Variants in RBFOX1 observed in about 807,000 individuals in gnomAD.
RBFOX1 encodes the protein RNA binding fox-1 homolog 1.
In RBFOX1, 8 loss-of-function variants were observed where a neutral mutation model predicts 57.7. The ratio of observed to expected loss-of-function variants is 0.14; its 90% CI spans 0.08 to 0.25. RBFOX1 has a LOEUF of 0.25. RBFOX1 is among the 10% of genes least tolerant of loss of function. The pLI, the probability that RBFOX1 is intolerant of heterozygous loss-of-function variation, is 1.00. For missense variants in RBFOX1, 611 were observed against 548.5 expected (o/e 1.11, Z -1.14); for synonymous variants, 326 against 222.4 (o/e 1.47, Z -4.15).
intron 4 of RBFOX1, among the ~76,000 whole-genome samples, chr16:7,419,927 T>TCC (rs778946345): frequency 1.0e-5 from 1 of 96,154 alleles, no homozygotes; most frequent in African/African-American, 4.7e-5. Flanking sequence ...CTTTCTTCCT[T>TCC]TTTTTTTTTT....
Position 6,991,256 on chromosome 16 carries a change from T to A in RBFOX1, c.-15-60801T>A, listed in dbSNP as rs181833229. Reference sequence around the variant, plus strand: ...CAGAGGTTGCAGTGAGTTGAGACCATGCCACGTCACTCCAGCCTGGGCAGT... The same window carrying A: ...CAGAGGTTGCAGTGAGTTGAGACCAAGCCACGTCACTCCAGCCTGGGCAGT... On this transcript the variant is annotated intron_variant, in intron 3 of 15. Coordinates refer to ENST00000550418, the MANE Select transcript of RBFOX1 (RefSeq NM_018723.4). Among the ~76,000 whole-genome samples, 18 of 151,142 alleles carry A rather than the reference T, an allele frequency of 1.2e-4. No homozygotes were observed. In the East Asian group the frequency reaches 3.5e-3, roughly 30 times the overall value.
chr16:7,640,508 G>A (rs578106403), intron 11 of RBFOX1, among the ~76,000 whole-genome samples: 1 of 152,310 alleles, frequency 6.6e-6, no homozygotes, highest in African/African-American at 2.4e-5. Context: ...TGACAGATAA[G>A]GAGTCACTAG....
chr16:7,266,132 A>G (rs952436417), intron 4 of RBFOX1, among the ~76,000 whole-genome samples: 4 of 150,820 alleles, frequency 2.7e-5, no homozygotes, highest in African/African-American at 2.4e-5. Context: ...TCGCCAATAC[A>G]CCTGGCTAAT....
chr16:6,595,226 C>T (rs186420674), intron 2 of RBFOX1, among the ~76,000 whole-genome samples: 33 of 152,312 alleles, frequency 2.2e-4, no homozygotes, highest in Admixed American at 1.2e-3. Context: ...CCTTACCCCA[C>T]CCTGTAGCCC....
chr16:7,554,804 A>G (rs1340036732), intron 5 of RBFOX1, among the ~76,000 whole-genome samples: 1 of 152,170 alleles, frequency 6.6e-6, no homozygotes, highest in African/African-American at 2.4e-5. Flanking sequence ...TCTTGGCCAC[A>G]TTATCACCAT....
At chr16:6,901,967 T>G (rs74008433) in intron 3 of RBFOX1, among the ~76,000 whole-genome samples, 1 of 152,148 alleles carries the variant, frequency 6.6e-6, no homozygotes. Context: ...TTCAGAAATA[T>G]TGCGTTACAG....
chr16:7,160,832 CTCCT>C (rs1173769852), intron 4 of RBFOX1, among the ~76,000 whole-genome samples: 11 of 140,460 alleles, frequency 7.8e-5, no homozygotes, highest in African/African-American at 2.7e-4. Flanking sequence ...CTCCTCCCTC[CTCCT>C]TCCTCCTCCT....
chr16:6,634,753 GATATAC>G (rs1359717729), intron 2 of RBFOX1, among the ~76,000 whole-genome samples: 9 of 33,682 alleles, frequency 2.7e-4, no homozygotes, highest in Non-Finnish European at 6.6e-4. Flanking sequence ...AATATACAAA[GATATAC>G]ATATATTTGT....
intron 2 of RBFOX1, among the ~76,000 whole-genome samples, chr16:6,606,269 T>A (rs1471444684): frequency 6.6e-6 from 1 of 152,038 alleles, no homozygotes; most frequent in Non-Finnish European, 1.5e-5. Context: ...TCCAAGCCAA[T>A]ATATTAGAAA....
At chr16:6,465,256 G>C (rs1460689577) in intron 2 of RBFOX1, among the ~76,000 whole-genome samples, 7 of 152,072 alleles carry the variant, frequency 4.6e-5, no homozygotes, top group Non-Finnish European at 1.0e-4. Flanking sequence ...GGTGGAGTGA[G>C]GTTTTGTTGT....
intron 1 of RBFOX1, among the ~76,000 whole-genome samples, chr16:6,159,547 T>C (rs922360285): frequency 6.6e-6 from 1 of 152,212 alleles, no homozygotes; most frequent in African/African-American, 2.4e-5. Flanking sequence ...GCACAGGGTC[T>C]GCCCTAAATG....
chr16:6,965,195 G>T (rs561334557), intron 3 of RBFOX1, among the ~76,000 whole-genome samples: 5 of 152,092 alleles, frequency 3.3e-5, no homozygotes, highest in Non-Finnish European at 5.9e-5. Context: ...GGGAGAGGTG[G>T]GTGGTGTAAA....
At chr16:7,664,020 A>C (rs2068510618) in intron 12 of RBFOX1, among the ~76,000 whole-genome samples, 2 of 152,180 alleles carry the variant, frequency 1.3e-5, no homozygotes, top group African/African-American at 4.8e-5. Flanking sequence ...GGTGGCAATC[A>C]GAGAGCTGCT....
chr16:5,291,159 G>A (rs1206752353), intron 1 of RBFOX1, among the ~76,000 whole-genome samples: 1 of 151,978 alleles, frequency 6.6e-6, no homozygotes. Flanking sequence ...GGCATCCCAT[G>A]TAACTACTCT....
chr16:5,855,879 C>G (rs28793028), intron 3 of RBFOX1, among the ~76,000 whole-genome samples: 22,630 of 148,838 alleles, frequency 0.15, 2,316 homozygotes, highest in African/African-American at 0.29. Context: ...ATTTATCTGT[C>G]TTAAGTTTCC....
In RBFOX1 at chr16:6,603,749, A is replaced by G. The variant is rs74398003; in HGVS notation, c.-63-50854A>G. On this transcript the variant is annotated intron_variant, in intron 2 of 15. Transcript: ENST00000550418. ...TGGACTGTGATTGCTGGACATCAGG[A>G]TGGCCTTAATATTAGGGTTAACATC... is the stretch of plus-strand genomic sequence containing the variant. 0.011 allele frequency among the ~76,000 whole-genome samples: 1,675 copies of G among 152,256 alleles called. 136 individuals are homozygous for G. The East Asian group carries it at 0.2, about 18-fold the overall frequency.
chr16:7,355,713 G>T (rs1442490916), intron 4 of RBFOX1, among the ~76,000 whole-genome samples: 1 of 152,126 alleles, frequency 6.6e-6, no homozygotes, highest in Admixed American at 6.5e-5. Flanking sequence ...TCAGCAAATG[G>T]CTTTGCCAAT....
At chr16:6,534,494 A>C (rs546553723) in intron 2 of RBFOX1, among the ~76,000 whole-genome samples, 51 of 152,254 alleles carry the variant, frequency 3.3e-4, no homozygotes, top group African/African-American at 1.2e-3. Flanking sequence ...CACAAAATGG[A>C]GATGTGTGAA....
chr16:6,062,227 G>C (rs2095696576), intron 1 of RBFOX1, among the ~76,000 whole-genome samples: 1 of 152,018 alleles, frequency 6.6e-6, no homozygotes, highest in South Asian at 2.1e-4. Flanking sequence ...GGTTTTTATG[G>C]AGGCTTCATT....
Sources: allele counts gnomAD v4.1 joint callset (sites outside exome capture counted in the v4.1 genomes callset), GRCh38; gene constraint gnomAD v4.1.1; transcripts MANE v1.5; gene names NCBI Gene and HGNC (gene_info 2026-07-23, HGNC 2026-07-21).